Variants in MYCBP2 observed in about 807,000 individuals in gnomAD.
MYCBP2 encodes MYC binding protein 2, also known as E3 ubiquitin-protein ligase MYCBP2.
In MYCBP2, 120 loss-of-function variants were observed where a neutral mutation model predicts 525.3. The ratio of observed to expected loss-of-function variants is 0.23; its 90% CI spans 0.20 to 0.27. The LOEUF (loss-of-function observed/expected upper bound fraction) is 0.27. MYCBP2 is among the 10% of genes least tolerant of loss of function. The pLI is 1.00. For synonymous variants in MYCBP2, 1,894 were observed against 1,955.8 expected, an observed-to-expected ratio of 0.97 and a Z score of 0.83; for missense variants, 4,149 against 5,657.1, an observed-to-expected ratio of 0.73 and a Z score of 8.55.
At chr13:77,278,719 CA>C in intron 4 of MYCBP2, 38 bp downstream of exon 4, 1 of 1,425,776 alleles carries the variant, frequency 7.0e-7, no homozygotes, top group Non-Finnish European at 9.2e-7. Context: ...TAATTATATT[CA>C]CTTTTAAATG....
At chr13:77,055,844 G>A (rs572384387) in intron 79 of MYCBP2, 77 bp from the exon 80 acceptor site, 1 of 969,838 alleles carries the variant, frequency 1.0e-6, no homozygotes, top group East Asian at 2.5e-5. Flanking sequence ...GCACCTAAGT[G>A]CCAAGCATTG....
At chr13:77,294,109 T>TATAC (rs1555465543) in intron 2 of MYCBP2, among the ~76,000 whole-genome samples, 11 of 52,416 alleles carry the variant, frequency 2.1e-4, no homozygotes, top group Admixed American at 1.7e-3. Flanking sequence ...AATGGCTATA[T>TATAC]ATATATATAT....
intron 54 of MYCBP2, 60 bp downstream of exon 54, chr13:77,125,276 C>A: frequency 6.3e-7 from 1 of 1,582,612 alleles, no homozygotes; most frequent in Non-Finnish European, 8.6e-7. Flanking sequence ...ATACAATAGG[C>A]ATTAAACTTC....
At chr13:77,166,074 C>A (rs1373173957) in intron 41 of MYCBP2, among the ~76,000 whole-genome samples, 1 of 152,134 alleles carries the variant, frequency 6.6e-6, no homozygotes, top group Non-Finnish European at 1.5e-5. Flanking sequence ...TACTCCTCAA[C>A]GTTAACACTC....
Position 77,326,742 on chromosome 13 carries a change from C to T in MYCBP2, c.34G>A (p.Ala12Thr). Residue 12 changes from alanine to threonine, a missense_variant, in exon 1 of 83, where the codon GCC (alanine) becomes ACC (threonine). Ala to Thr is a moderately conservative substitution (Grantham distance 58). This residue lies in a region of MYCBP2 where 413 missense variants were observed against 451.2 expected (regional missense o/e 0.92). Coordinates refer to ENST00000544440, the MANE Select transcript of MYCBP2 (RefSeq NM_015057.5). The surrounding 1 kb of genome is among the most constrained non-coding windows in gnomAD (Gnocchi z 4.2). ...MMCAATASPAAASSGLGGDGF... is the reference protein window; with the variant it reads ...MMCAATASPATASSGLGGDGF... Reference sequence around the variant, plus strand: ...TCCCCGCCGAGCCCCGAGGAGGCGGCGGCGGGGGAGGCAGTCGCTGCGCAC... The same window carrying T: ...TCCCCGCCGAGCCCCGAGGAGGCGGTGGCGGGGGAGGCAGTCGCTGCGCAC... 1.4e-6 allele frequency: 2 copies of T among 1,409,422 alleles called. No individual in the cohort carries two copies. The highest frequency in any genetic ancestry group is 1.8e-6 in the Non-Finnish European group (2 of 1,095,188). The allele number at this position is 1,409,422 out of a possible 1,614,324, so 87.3% of individuals were successfully genotyped here. A position where few individuals can be genotyped will look rare whatever the true frequency, so the allele number is the denominator to read the frequency against.
chr13:77,233,402 C>G (rs192946069), intron 17 of MYCBP2, 139 bp from the exon 18 acceptor site: 187 of 629,820 alleles, frequency 3.0e-4, no homozygotes, highest in Non-Finnish European at 4.7e-4. Flanking sequence ...TCCAATTTCC[C>G]CACTCCAGCC....
At chr13:77,076,455 G>C (rs1267082208) in intron 68 of MYCBP2, among the ~76,000 whole-genome samples, 3 of 152,160 alleles carry the variant, frequency 2.0e-5, no homozygotes, top group African/African-American at 7.2e-5. Flanking sequence ...GAACTGTGAA[G>C]GACAGGGACA....
chr13:77,104,790 G>C (rs571743141), intron 55 of MYCBP2, among the ~76,000 whole-genome samples: 2 of 152,204 alleles, frequency 1.3e-5, no homozygotes, highest in South Asian at 4.1e-4. Flanking sequence ...CCGAGGATAG[G>C]GACTAAAGCT....
intron 17 of MYCBP2, 40 bp downstream of exon 17, chr13:77,243,019 G>C (rs777083970): frequency 1.9e-6 from 3 of 1,556,454 alleles, no homozygotes; most frequent in Non-Finnish European, 2.7e-6. Flanking sequence ...GGGTAGGAAA[G>C]TGGATTTTCA....
chr13:77,286,828 G>GTCTTAAATA (rs2076888283), intron 3 of MYCBP2, among the ~76,000 whole-genome samples: 1 of 100,114 alleles, frequency 1.0e-5, no homozygotes, highest in Admixed American at 1.3e-4. Context: ...AGACCTTCCA[G>GTCTTAAATA]TCTTAAATAT....
At chr13:77,147,421 T>A (rs901998141) in intron 47 of MYCBP2, among the ~76,000 whole-genome samples, 2 of 152,122 alleles carry the variant, frequency 1.3e-5, no homozygotes, top group African/African-American at 4.8e-5. Context: ...GGCACATTAT[T>A]CTGAATACTT....
chr13:77,258,362 A>G (rs1055737334), intron 13 of MYCBP2, among the ~76,000 whole-genome samples: 2 of 152,198 alleles, frequency 1.3e-5, no homozygotes, highest in African/African-American at 4.8e-5. Context: ...TTCATGTATT[A>G]CTTTCATTAT....
chr13:77,063,582 GAC>G (rs1376414710), intron 73 of MYCBP2, among the ~76,000 whole-genome samples: 3 of 100,368 alleles, frequency 3.0e-5, no homozygotes, highest in African/African-American at 1.1e-4. Context: ...AAAAAAAAAA[GAC>G]AACTGTTTTC....
At chr13:77,120,235 T>G (rs770249221) in intron 55 of MYCBP2, among the ~76,000 whole-genome samples, 25 of 152,200 alleles carry the variant, frequency 1.6e-4, no homozygotes, top group Non-Finnish European at 3.4e-4. Flanking sequence ...TTACACTATG[T>G]AAGTACAAAG....
Position 77,125,439 on chromosome 13 carries a change from T to C in MYCBP2, c.7914A>G (p.Gln2638=), listed in dbSNP as rs1321547906. ...ACTCTACCATGCTGTTCTGATCCAG[T>C]TGCACCCATGTCCCTTCAGAATTGG... ...EVTNSEGTWV[Q]LDQNSMVEFC... is the part of the protein sequence containing the mutation. The change falls in exon 54 of 83, where the codon CAA becomes CAG. Residue 2638 remains glutamine (Q), a synonymous_variant. Coordinates refer to ENST00000544440, the MANE Select transcript of MYCBP2 (RefSeq NM_015057.5). The C allele has an allele frequency of 3.1e-6, 5 of 1,613,800 alleles. No individual in the cohort carries two copies. Among genetic ancestry groups the C allele is most frequent in the African/African-American group, 2.7e-5 (2 of 74,932 alleles).
intron 26 of MYCBP2, among the ~76,000 whole-genome samples, chr13:77,195,843 T>C (rs1595331354): frequency 6.6e-6 from 1 of 152,228 alleles, no homozygotes; most frequent in Admixed American, 6.5e-5. Flanking sequence ...ACTTTCTTAA[T>C]CTAAAATTAT....
intron 76 of MYCBP2, among the ~76,000 whole-genome samples, chr13:77,060,902 CTT>C (rs1340285307): frequency 6.6e-6 from 1 of 152,130 alleles, no homozygotes; most frequent in Non-Finnish European, 1.5e-5. Context: ...GATCCTCTCA[CTT>C]TATAAATGAA....
intron 26 of MYCBP2, among the ~76,000 whole-genome samples, chr13:77,197,802 AGACT>A (rs1046378175): frequency 1.3e-5 from 2 of 152,240 alleles, no homozygotes; most frequent in African/African-American, 4.8e-5. Flanking sequence ...GGAAAAAAAA[AGACT>A]GACTACTGTT....
intron 80 of MYCBP2, among the ~76,000 whole-genome samples, chr13:77,052,196 C>T (rs1204973377): frequency 6.6e-6 from 1 of 151,828 alleles, no homozygotes; most frequent in East Asian, 1.9e-4. Flanking sequence ...TCTCCTCTTC[C>T]ACCTCTCTCT....
Sources: allele counts gnomAD v4.1 joint callset (sites outside exome capture counted in the v4.1 genomes callset), GRCh38; gene constraint gnomAD v4.1.1; regional missense constraint gnomAD v4.1.1; non-coding constraint Gnocchi (gnomAD v3.1); transcripts MANE v1.5; gene names NCBI Gene and HGNC (gene_info 2026-07-23, HGNC 2026-07-21).